Variants in NFYC observed in about 807,000 individuals in gnomAD.
The protein encoded by NFYC is CAAT box DNA-binding protein subunit C.
In NFYC, 25 loss-of-function variants were observed where a neutral mutation model predicts 53.1. The observed-to-expected ratio is 0.47, with a 90% CI of 0.34 to 0.66. The LOEUF is 0.66. NFYC is among the 30% of genes least tolerant of loss of function. The pLI, the probability that NFYC is intolerant of heterozygous loss-of-function variation, is 0.01. For missense variants in NFYC, 260 were observed against 422.7 expected, an observed-to-expected ratio of 0.62 and a Z score of 3.38; for synonymous variants, 145 against 152.6, an observed-to-expected ratio of 0.95 and a Z score of 0.37.
At chr1:40,754,478 A>G (rs1213575076) in intron 5 of NFYC, 1 of 528,408 alleles carries the variant, frequency 1.9e-6, no homozygotes, top group Admixed American at 2.0e-5. Flanking sequence ...CGGCTTTGAA[A>G]CATTGCAGGT....
rs977502006 is a variant in NFYC, at chr1:40,694,238, A to G, written c.-9+2371A>G. On this transcript the variant is annotated intron_variant, in intron 1 of 9. Coordinates refer to ENST00000447388, the MANE Select transcript of NFYC (RefSeq NM_014223.5). ...AATACCAGGACCTATTCAAAGGCCTAGTGCTTTCTTCAGACTGTGGGATAT... is the reference window on the plus strand; with the variant it reads ...AATACCAGGACCTATTCAAAGGCCTGGTGCTTTCTTCAGACTGTGGGATAT... Among the ~76,000 whole-genome samples, 2 of 152,386 alleles carry G rather than the reference A, an allele frequency of 1.3e-5. 1 individual carries two copies. Among genetic ancestry groups the G allele is most frequent in the South Asian group, 4.1e-4 (2 of 4,830 alleles).
intron 1 of NFYC, among the ~76,000 whole-genome samples, chr1:40,707,866 AGAAT>A (rs1217673997): frequency 6.6e-6 from 1 of 150,976 alleles, no homozygotes; most frequent in Non-Finnish European, 1.5e-5. Context: ...AAAAAAAAAA[AGAAT>A]GAAAGAAATA....
At chr1:40,757,281 A>G (rs764436634) in intron 5 of NFYC, 7 of 531,188 alleles carry the variant, frequency 1.3e-5, no homozygotes, top group South Asian at 9.8e-5. Flanking sequence ...CCTGTGGGCT[A>G]TAACCATGCT....
chr1:40,748,089 G>T (rs1645713445), intron 3 of NFYC, among the ~76,000 whole-genome samples: 1 of 152,040 alleles, frequency 6.6e-6, no homozygotes, highest in African/African-American at 2.4e-5. Flanking sequence ...GCCTGCCTCT[G>T]CCTCCCAAAG....
At chr1:40,758,565 G>GA (rs202205924) in intron 6 of NFYC, 492 of 329,054 alleles carry the variant, frequency 1.5e-3, no homozygotes, top group Non-Finnish European at 1.9e-3. Context: ...TTTTAGAAGG[G>GA]AAAAAAAAAT....
intron 6 of NFYC, among the ~76,000 whole-genome samples, chr1:40,760,479 G>A (rs11208828): frequency 0.58 from 88,207 of 151,954 alleles, 25,737 homozygotes; most frequent in Non-Finnish European, 0.62. Flanking sequence ...CCAGTACTTT[G>A]GGAGGCCGAG....
chr1:40,747,673 T>C, intron 3 of NFYC, 68 bp downstream of exon 3: 1 of 1,002,564 alleles, frequency 1.0e-6, no homozygotes, highest in Non-Finnish European at 1.5e-6. Flanking sequence ...TGCTCATTTC[T>C]CTAGAGCTCA....
intron 1 of NFYC, among the ~76,000 whole-genome samples, chr1:40,705,260 T>A (rs1643639619): frequency 6.6e-6 from 1 of 152,202 alleles, no homozygotes; most frequent in African/African-American, 2.4e-5. Flanking sequence ...ATCAGCGAGG[T>A]TGTGAACATG....
chr1:40,736,102 C>T (rs192301638), intron 1 of NFYC, among the ~76,000 whole-genome samples: 177 of 152,228 alleles, frequency 1.2e-3, no homozygotes, highest in Middle Eastern at 0.01. Flanking sequence ...CATATTGTAT[C>T]CCAGGTACTA....
chr1:40,727,869 C>G (rs996518733), intron 1 of NFYC, among the ~76,000 whole-genome samples: 1 of 142,190 alleles, frequency 7.0e-6, no homozygotes, highest in Non-Finnish European at 1.6e-5. Flanking sequence ...AATGGTGAAT[C>G]CTGTCTAGAA....
chr1:40,692,944 C>G (rs1454387745), intron 1 of NFYC, among the ~76,000 whole-genome samples: 1 of 152,120 alleles, frequency 6.6e-6, no homozygotes, highest in African/African-American at 2.4e-5. Context: ...ATTTGCTGCT[C>G]TAGGAAGGAT....
chr1:40,739,343 A>G lies in NFYC; in HGVS notation c.105+395A>G, dbSNP rs559127234. On this transcript the variant is annotated intron_variant, in intron 2 of 9. Transcript: ENST00000447388. ...GTAAAAACTATTGGGCAATTTATTC[A>G]ACAACAAATCTATTGTGAGTCAGGA... 1.0e-3 allele frequency among the ~76,000 whole-genome samples: 152 copies of G among 152,310 alleles called. 3 individuals are homozygous for G. Among genetic ancestry groups the G allele is most frequent in the Non-Finnish European group, 2.9e-4 (20 of 68,008 alleles).
chr1:40,763,224 ATGTC>A (rs1468100710), intron 7 of NFYC, 178 bp downstream of exon 7: 6 of 494,744 alleles, frequency 1.2e-5, no homozygotes, highest in Admixed American at 3.3e-5. Context: ...ATATATATGT[ATGTC>A]TCTATATATA....
intron 1 of NFYC, among the ~76,000 whole-genome samples, chr1:40,699,128 T>G (rs966608498): frequency 6.6e-6 from 1 of 151,922 alleles, no homozygotes; most frequent in African/African-American, 2.4e-5. Context: ...CGCGCCTCTA[T>G]TGCACTCCAG....
intron 5 of NFYC, among the ~76,000 whole-genome samples, chr1:40,753,856 G>GT (rs1278322250): frequency 6.6e-6 from 1 of 152,142 alleles, no homozygotes; most frequent in Non-Finnish European, 1.5e-5. Context: ...CACTTGAGCT[G>GT]TTTTGCAAGC....
chr1:40,767,589 C>G (rs1029891042), intron 8 of NFYC, among the ~76,000 whole-genome samples: 1 of 152,194 alleles, frequency 6.6e-6, no homozygotes, highest in Non-Finnish European at 1.5e-5. Context: ...CCCAGCCCCT[C>G]TTTTTAACCT....
intron 6 of NFYC, among the ~76,000 whole-genome samples, chr1:40,760,761 C>T (rs1570708142): frequency 6.6e-6 from 1 of 152,038 alleles, no homozygotes; most frequent in South Asian, 2.1e-4. Flanking sequence ...TTATTCTCTG[C>T]TCATTTTACT....
chr1:40,731,803 ATCTT>A (rs1404198705), intron 1 of NFYC, among the ~76,000 whole-genome samples: 1 of 151,976 alleles, frequency 6.6e-6, no homozygotes, highest in Non-Finnish European at 1.5e-5. Flanking sequence ...ATTTTTCTTA[ATCTT>A]TCTTCAATGT....
intron 1 of NFYC, among the ~76,000 whole-genome samples, chr1:40,720,873 A>G (rs1253008856): frequency 1.3e-5 from 2 of 152,198 alleles, no homozygotes; most frequent in Admixed American, 1.3e-4. Flanking sequence ...TGTTATTTAA[A>G]AAAAATTTTT....
Sources: gnomAD v4.1 joint callset for allele counts (sites outside exome capture counted in the v4.1 genomes callset) on GRCh38, gnomAD v4.1.1 for gene constraint, MANE v1.5 for transcripts, NCBI Gene and HGNC (gene_info 2026-07-23, HGNC 2026-07-21) for gene names.